Variants in GALNT14 observed in about 807,000 individuals in gnomAD.
GALNT14 encodes polypeptide N-acetylgalactosaminyltransferase 14.
A neutral mutation model predicts 77.5 loss-of-function variants in GALNT14; 60 were observed. The observed-to-expected ratio is 0.77, with a 90% CI of 0.63 to 0.96. The LOEUF is 0.96. GALNT14 is among the 40% of genes least tolerant of loss of function. GALNT14 has a pLI of 0.00. For synonymous variants in GALNT14, 280 were observed against 281.7 expected (o/e 0.99, Z 0.06); for missense variants, 710 against 731.0 (o/e 0.97, Z 0.33).
At chr2:30,903,947 A>AC in the GALNT14 span, among the ~76,000 whole-genome samples, 1 of 152,210 alleles carries the variant, frequency 6.6e-6, no homozygotes, top group African/African-American at 2.4e-5. Flanking sequence ...CCTAGGGCAC[A>AC]CCAGTAAGCT....
chr2:30,924,216 T>C lies in GALNT14; in HGVS notation c.1283A>G (p.Gln428Arg), dbSNP rs369943441. Reference sequence around the variant, plus strand: ...CTGCCTTTGAGATTCCAGGCACTTCTGTCTCTGTCGGATATTGCCCTTCTG... The same window carrying C: ...CTGCCTTTGAGATTCCAGGCACTTCCGTCTCTGTCGGATATTGCCCTTCTG... ...SIQKGNIRQR[Q>R]KCLESQRQNN... Residue 428 changes from glutamine (Q) to arginine (R), a missense_variant, in exon 13 of 15, where the codon CAG (glutamine) becomes CGG (arginine). Transcript: ENST00000349752. 6 of 1,614,106 alleles carry C rather than the reference T, an allele frequency of 3.7e-6. No individual in the cohort carries two copies. The African/African-American group carries it at 8.0e-5, about 22-fold the overall frequency.
chr2:30,924,812 C>T lies in GALNT14; in HGVS notation c.1163G>A (p.Arg388Lys), dbSNP rs1334673273. The T allele has an allele frequency of 6.2e-7, 1 of 1,613,752 alleles. No individual in the cohort carries two copies. The highest frequency in any genetic ancestry group is 1.3e-5 in the African/African-American group (1 of 74,922). Reference protein sequence around the residue: ...LERPFGNVESRLDLRKNLRCQ... With the variant: ...LERPFGNVESKLDLRKNLRCQ... Reference sequence around the variant, plus strand: ...GCGCAGATTCTTCCTCAGGTCCAATCTGCTCTCAACACTGGGGGCAACGGG... The same window carrying T: ...GCGCAGATTCTTCCTCAGGTCCAATTTGCTCTCAACACTGGGGGCAACGGG... Residue 388 changes from arginine to lysine, a missense_variant, in exon 12 of 15, where the codon AGA (arginine) becomes AAA (lysine). Arg to Lys is a conservative substitution (Grantham distance 26). Coordinates refer to ENST00000349752, the MANE Select transcript of GALNT14 (RefSeq NM_024572.4).
chr2:30,943,788 T>C (rs1293509413), intron 8 of GALNT14, among the ~76,000 whole-genome samples: 1 of 152,140 alleles, frequency 6.6e-6, no homozygotes, highest in African/African-American at 2.4e-5. Flanking sequence ...TCTCTCCAAA[T>C]AGAGAAGCCT....
At position 30,919,740 on chromosome 2, in the gene GALNT14, T is replaced by C. The variant is rs145613552; in HGVS notation, c.1380+4379A>G. Among the ~76,000 whole-genome samples the C allele has an allele frequency of 1.8e-3, 279 of 152,230 alleles. 2 individuals carry two copies. The highest frequency in any genetic ancestry group is 5.7e-3 in the African/African-American group (235 of 41,542). On this transcript the variant is annotated intron_variant, in intron 13 of 14. Transcript: ENST00000349752. ...CAGCCCTAGGCCCAAGGGGGACCAT[T>C]TAGTTGGGAGTGACCCAGCTTGGAT...
chr2:31,055,167 T>G (rs866679305), intron 1 of GALNT14, among the ~76,000 whole-genome samples: 1 of 152,388 alleles, frequency 6.6e-6, no homozygotes, highest in Middle Eastern at 3.4e-3. Context: ...GCACAGATAC[T>G]GTGTATCTGC....
chr2:30,955,511 C>T (rs1667306419), intron 6 of GALNT14, 107 bp downstream of exon 6: 1 of 1,456,246 alleles, frequency 6.9e-7, no homozygotes, highest in Non-Finnish European at 9.2e-7. Flanking sequence ...CTGTTCTGCC[C>T]ACCTCCCAGA....
At chr2:31,085,650 G>T (rs1334400175) in intron 1 of GALNT14, among the ~76,000 whole-genome samples, 1 of 152,206 alleles carries the variant, frequency 6.6e-6, no homozygotes, top group Non-Finnish European at 1.5e-5. Context: ...ACCCTCAGGG[G>T]CTCATGAGAA....
chr2:31,095,903 C>A (rs949112793), intron 1 of GALNT14, among the ~76,000 whole-genome samples: 2 of 152,256 alleles, frequency 1.3e-5, no homozygotes, highest in Non-Finnish European at 2.9e-5. Context: ...TATTTATTAT[C>A]CTGCCTAGAT....
chr2:30,998,404 T>C (rs927560759), intron 1 of GALNT14, among the ~76,000 whole-genome samples: 1 of 152,204 alleles, frequency 6.6e-6, no homozygotes, highest in African/African-American at 2.4e-5. Context: ...TTCCCACTCA[T>C]GCTTTTGTCT....
chr2:31,091,699 T>C lies in GALNT14; in HGVS notation c.129+46259A>G, dbSNP rs1203158172. Among the ~76,000 whole-genome samples, 62 of 152,226 alleles carry C rather than the reference T, an allele frequency of 4.1e-4. 1 individual carries two copies. Among genetic ancestry groups the C allele is most frequent in the Admixed American group, 4.0e-3 (61 of 15,282 alleles). On this transcript the variant is annotated intron_variant, in intron 1 of 14. Transcript: ENST00000349752. ...TGTGTGGTGAGGGTTTGCTCTCTGA[T>C]TCACAGACAGCCATCTTCTCGCTGT...
chr2:31,131,646 A>T (rs1244429419), intron 1 of GALNT14, among the ~76,000 whole-genome samples: 1 of 152,178 alleles, frequency 6.6e-6, no homozygotes, highest in African/African-American at 2.4e-5. Context: ...CCACTTCAGA[A>T]AGCTGGGATG....
intron 1 of GALNT14, among the ~76,000 whole-genome samples, chr2:31,110,071 G>A (rs756137999): frequency 3.9e-5 from 6 of 151,992 alleles, no homozygotes; most frequent in Non-Finnish European, 8.8e-5. Context: ...ACTTGAAATC[G>A]TTAAAAACAA....
chr2:31,078,212 G>T (rs1381971504), intron 1 of GALNT14, among the ~76,000 whole-genome samples: 5 of 152,218 alleles, frequency 3.3e-5, no homozygotes, highest in African/African-American at 1.2e-4. Context: ...CAGCTGAAAA[G>T]TATCAGGCAT....
chr2:30,945,001 A>C lies in GALNT14; in HGVS notation c.743-59T>G, dbSNP rs1573010006. ...TCTCAAAAGCACTTGCTCATTCTGC[A>C]CCCTCTCCAGAAGGTCATGAATGTA... On this transcript the variant is annotated intron_variant, in intron 7 of 14. Transcript: ENST00000349752. 3.8e-5 allele frequency: 55 copies of C among 1,447,640 alleles called. No homozygotes were observed. In the South Asian group the frequency reaches 6.2e-4, roughly 16 times the overall value. The allele number at this position is 1,447,640 out of a possible 1,614,324, so 89.7% of individuals were successfully genotyped here. A position where few individuals can be genotyped will look rare whatever the true frequency, so the allele number is the denominator to read the frequency against.
intron 2 of GALNT14, among the ~76,000 whole-genome samples, chr2:30,971,570 A>G (rs1355856814): frequency 6.6e-6 from 1 of 152,064 alleles, no homozygotes; most frequent in Non-Finnish European, 1.5e-5. Flanking sequence ...AAGACTCTCA[A>G]TTTTCCCCAA....
rs201724295 is a variant in GALNT14, at chr2:30,929,482, G to A, written c.1064C>T (p.Thr355Ile). ...CATCCACACTTCAGCTGTCCGCTTG[G>A]TGTTCCTGGGAAAACAAGGAGTGAC... The part of the protein sequence containing the change: ...DGNANTYIKN[T>I]KRTAEVWMDE... The change falls in exon 11 of 15, where the codon ACC (threonine) becomes ATC (isoleucine). Residue 355 changes from threonine to isoleucine, a missense_variant. By Grantham distance (89) the Thr-to-Ile change is moderately conservative. Coordinates refer to ENST00000349752, the MANE Select transcript of GALNT14 (RefSeq NM_024572.4). 3.1e-6 allele frequency: 5 copies of A among 1,613,464 alleles called. No individual in the cohort carries two copies. The highest frequency in any genetic ancestry group is 1.7e-5 in the Admixed American group (1 of 59,984).
chr2:30,974,660 T>C (rs1199247332), intron 2 of GALNT14, among the ~76,000 whole-genome samples: 1 of 152,196 alleles, frequency 6.6e-6, no homozygotes, highest in African/African-American at 2.4e-5. Flanking sequence ...GGAAGTTACT[T>C]CCCCTGGGAA....
At chr2:30,891,443 G>A in the GALNT14 span, among the ~76,000 whole-genome samples, 1 of 152,136 alleles carries the variant, frequency 6.6e-6, no homozygotes, top group African/African-American at 2.4e-5. Context: ...CTCAGAAACT[G>A]AATGTGATAA....
chr2:31,103,615 A>C (rs1677402254), intron 1 of GALNT14, among the ~76,000 whole-genome samples: 1 of 152,102 alleles, frequency 6.6e-6, no homozygotes, highest in Non-Finnish European at 1.5e-5. Context: ...CCATTTATTA[A>C]GTATAATTAT....
Sources: allele counts gnomAD v4.1 joint callset (sites outside exome capture counted in the v4.1 genomes callset), GRCh38; gene constraint gnomAD v4.1.1; transcripts MANE v1.5; gene names NCBI Gene and HGNC (gene_info 2026-07-23, HGNC 2026-07-21).